The following ADD2 variants were observed in gnomAD, a reference collection of about 807,000 sequenced individuals.
The protein encoded by ADD2 is beta-adducin.
ADD2 carries 23 observed loss-of-function variants against 83.0 expected under a neutral mutation model. The ratio of observed to expected loss-of-function variants is 0.28; its 90% CI spans 0.20 to 0.39. The LOEUF (loss-of-function observed/expected upper bound fraction) is 0.39, where lower values mean the gene tolerates loss of function less well. Ranked by LOEUF, ADD2 falls within the 10% of genes least tolerant of loss-of-function variation. The pLI, the probability that ADD2 is intolerant of heterozygous loss-of-function variation, is 1.00. For synonymous variants in ADD2, 375 were observed against 375.4 expected, an observed-to-expected ratio of 1.00 and a Z score of 0.01; for missense variants, 758 against 944.9, an observed-to-expected ratio of 0.80 and a Z score of 2.59.
chr2:70,666,778 C>T (rs1039302120), intron 15 of ADD2, among the ~76,000 whole-genome samples: 1 of 152,204 alleles, frequency 6.6e-6, no homozygotes, highest in Non-Finnish European at 1.5e-5. Flanking sequence ...GAGAGCAACA[C>T]CCAAGGTTCT....
intron 1 of ADD2, among the ~76,000 whole-genome samples, chr2:70,732,013 A>T (rs1673306912): frequency 6.6e-6 from 1 of 152,146 alleles, no homozygotes; most frequent in Admixed American, 6.5e-5. Flanking sequence ...AAATGAAACC[A>T]CTGATATTCT....
At chr2:70,763,693 A>G (rs1675233379) in intron 1 of ADD2, among the ~76,000 whole-genome samples, 1 of 152,004 alleles carries the variant, frequency 6.6e-6, no homozygotes, top group Admixed American at 6.5e-5. Context: ...AGTCTTTCAC[A>G]TGTAACAACT....
intron 8 of ADD2, among the ~76,000 whole-genome samples, chr2:70,688,942 C>T (rs1444589173): frequency 6.6e-6 from 1 of 151,952 alleles, no homozygotes. Context: ...ACTAAAAATA[C>T]AAAAATTAAA....
intron 1 of ADD2, among the ~76,000 whole-genome samples, chr2:70,759,135 CT>C (rs377220954): frequency 1.8e-3 from 277 of 152,178 alleles, no homozygotes; most frequent in African/African-American, 6.4e-3. Flanking sequence ...CACTTCACAG[CT>C]GGAAAAAAGG....
Position 70,706,097 on chromosome 2 carries a change from G to C in ADD2, c.183+129C>G. The C allele has an allele frequency of 5.2e-6, 5 of 963,380 alleles. No individual in the cohort carries two copies. Among genetic ancestry groups the C allele is most frequent in the Non-Finnish European group, 7.7e-6 (5 of 653,480 alleles). 59.7% of individuals were successfully genotyped at this position (963,380 alleles called of 1,614,324 possible). The stretch of plus-strand genomic sequence containing the variant: ...GGCCCCAGGTGACCAGATCCGTCTT[G>C]CTCAGTGGGCTTACATTTCTACTGA... On this transcript the variant is annotated intron_variant, in intron 3 of 15. Transcript: ENST00000264436. This position sits in a 1 kb window ranked among gnomAD's most constrained non-coding sequence, Gnocchi z 5.0.
rs539201389 is a variant in ADD2, at chr2:70,695,695, G to A, written c.555+26C>T. 515 of 1,599,086 alleles carry A rather than the reference G, an allele frequency of 3.2e-4. 5 individuals carry two copies. In the South Asian group the frequency reaches 5.5e-3, roughly 17 times the overall value. On this transcript the variant is annotated intron_variant, in intron 6 of 15. Coordinates refer to ENST00000264436, the MANE Select transcript of ADD2 (RefSeq NM_001617.4). ...GAGTGCTGTCATTTCAATAAGGAGT[G>A]GGCAGTGATGCTGGACTGTACTCAC... is the stretch of plus-strand genomic sequence containing the variant.
At chr2:70,724,190 C>T (rs1189573860) in intron 1 of ADD2, among the ~76,000 whole-genome samples, 4 of 152,202 alleles carry the variant, frequency 2.6e-5, no homozygotes, top group African/African-American at 9.7e-5. Flanking sequence ...TTTCAAGTGC[C>T]TTCTCTGTCC....
At chr2:70,678,653 C>T (rs1670298091) in intron 11 of ADD2, 51 bp downstream of exon 11, 1 of 1,509,674 alleles carries the variant, frequency 6.6e-7, no homozygotes, top group Non-Finnish European at 8.8e-7. Flanking sequence ...CTTCACCCTG[C>T]TAATGCAGCC....
chr2:70,767,912 C>T lies in ADD2; in HGVS notation c.-180G>A. On this transcript the variant is annotated 5_prime_UTR_variant, in exon 1 of 16. Transcript: ENST00000264436. ...TCCTGCGCGGCATCTTAGCTATCTCCGGTCGGCCACTGCGGGTTGGTTTTG... is the reference window on the plus strand; with the variant it reads ...TCCTGCGCGGCATCTTAGCTATCTCTGGTCGGCCACTGCGGGTTGGTTTTG... 2 of 1,535,974 alleles carry T rather than the reference C, an allele frequency of 1.3e-6. No individual in the cohort carries two copies. The highest frequency in any genetic ancestry group is 2.4e-5 in the East Asian group (1 of 40,890).
At chr2:70,685,997 T>G (rs542469981) in intron 9 of ADD2, among the ~76,000 whole-genome samples, 1 of 152,272 alleles carries the variant, frequency 6.6e-6, no homozygotes, top group South Asian at 2.1e-4. Flanking sequence ...CCAGGAGAAA[T>G]AAATAGGCTC....
chr2:70,711,563 G>A lies in ADD2; in HGVS notation c.-35+1503C>T, dbSNP rs115740482. On this transcript the variant is annotated intron_variant, in intron 2 of 15. Transcript: ENST00000264436. ...TTAAAAAAACTCTGGACAGCAAGGT[G>A]TAACAAATGCCCCTTGATTTTTAAA... Among the ~76,000 whole-genome samples the A allele has an allele frequency of 1.0e-3, 159 of 152,262 alleles. 1 individual carries two copies. Among genetic ancestry groups the A allele is most frequent in the African/African-American group, 3.7e-3 (155 of 41,528 alleles).
intron 1 of ADD2, among the ~76,000 whole-genome samples, chr2:70,747,524 C>T (rs992364042): frequency 2.0e-5 from 3 of 151,064 alleles, no homozygotes; most frequent in Non-Finnish European, 3.0e-5. Flanking sequence ...CACATGCTCT[C>T]GCATCATGCC....
chr2:70,674,918 G>A (rs1312807396), intron 13 of ADD2, 93 bp from the exon 14 acceptor site: 12 of 1,511,992 alleles, frequency 7.9e-6, no homozygotes, highest in East Asian at 4.5e-5. Context: ...GGCTGCAAGC[G>A]GTCTTGCTAG....
chr2:70,718,722 A>G (rs868971488), intron 1 of ADD2, among the ~76,000 whole-genome samples: 31 of 152,220 alleles, frequency 2.0e-4, no homozygotes, highest in African/African-American at 6.8e-4. Flanking sequence ...TTGAGGCTGC[A>G]GGAACCTGGG....
At chr2:70,733,827 C>A (rs892907672) in intron 1 of ADD2, among the ~76,000 whole-genome samples, 2 of 152,118 alleles carry the variant, frequency 1.3e-5, no homozygotes, top group African/African-American at 4.8e-5. Flanking sequence ...TAAGAGCTGG[C>A]GAATTTTCAG....
intron 4 of ADD2, among the ~76,000 whole-genome samples, chr2:70,697,221 C>T (rs1338317309): frequency 3.3e-5 from 5 of 152,238 alleles, no homozygotes; most frequent in Admixed American, 6.5e-5. Context: ...AAGTCATAAA[C>T]TTCTGGAAGT....
intron 2 of ADD2, among the ~76,000 whole-genome samples, chr2:70,710,327 G>T (rs1483521823): frequency 6.6e-6 from 1 of 152,228 alleles, no homozygotes; most frequent in East Asian, 1.9e-4. Flanking sequence ...CCATGGAGTG[G>T]TTGCATTCCC....
intron 1 of ADD2, among the ~76,000 whole-genome samples, chr2:70,719,959 C>G (rs1019356962): frequency 1.3e-5 from 2 of 152,146 alleles, no homozygotes; most frequent in Non-Finnish European, 2.9e-5. Flanking sequence ...AACCACCCCC[C>G]ACCAAGAAAT....
chr2:70,689,407 T>C (rs1462809623), intron 8 of ADD2, among the ~76,000 whole-genome samples: 1 of 152,264 alleles, frequency 6.6e-6, no homozygotes, highest in Non-Finnish European at 1.5e-5. Flanking sequence ...TGAAGCCTGA[T>C]GGCTCTAAAC....
Sources: gnomAD v4.1 joint callset for allele counts (sites outside exome capture counted in the v4.1 genomes callset) on GRCh38, gnomAD v4.1.1 for gene constraint, Gnocchi (gnomAD v3.1) non-coding constraint, MANE v1.5 for transcripts, NCBI Gene and HGNC (gene_info 2026-07-23, HGNC 2026-07-21) for gene names.